Variants in METTL17 observed in about 807,000 individuals in gnomAD.
METTL17 encodes ribosome assembly protein METTL17, mitochondrial.
Under a neutral mutation model 59.4 loss-of-function variants are expected in METTL17, and 49 were observed. That is an observed-to-expected ratio of 0.82 (90% CI 0.66 to 1.05). The LOEUF is 1.05. Among genes scored for constraint, METTL17 ranks in the 50% least tolerant of loss-of-function variants. The pLI, the probability that METTL17 is intolerant of heterozygous loss-of-function variation, is 0.00. For synonymous variants in METTL17, 208 were observed against 209.2 expected, an observed-to-expected ratio of 0.99 and a Z score of 0.05; for missense variants, 555 against 578.4, an observed-to-expected ratio of 0.96 and a Z score of 0.41.
Position 20,996,961 on chromosome 14 carries a change from G to A in METTL17, c.*71G>A. ...TGAAGCTGCCTGGTATCCAGGAGGG[G>A]AATGCTGGTATCCCCATATGTCTGT... On this transcript the variant is annotated 3_prime_UTR_variant, in exon 14 of 14. Coordinates refer to ENST00000339374, the MANE Select transcript of METTL17 (RefSeq NM_022734.3). 6.7e-7 allele frequency: 1 copy of A among 1,498,856 alleles called. No homozygotes were observed. The highest frequency in any genetic ancestry group is 9.0e-7 in the Non-Finnish European group (1 of 1,105,732). The allele number at this position is 1,498,856 out of a possible 1,614,324, so 92.8% of individuals were successfully genotyped here. A position where few individuals can be genotyped will look rare whatever the true frequency, so the allele number is the denominator to read the frequency against.
Position 20,994,590 on chromosome 14 carries a change from C to G in METTL17, c.745C>G (p.Gln249Glu), listed in dbSNP as rs1880248361. The G allele has an allele frequency of 6.2e-7, 1 of 1,614,068 alleles. No individual in the cohort carries two copies. Among genetic ancestry groups the G allele is most frequent in the African/African-American group, 1.3e-5 (1 of 74,930 alleles). The part of the protein sequence containing the change: ...EPYIPGVFFR[Q>E]FLPVSPKVQF... ...TTATATTCCAGGTGTCTTTTTCAGACAGTTTCTACCTGTATCACCCAAGGC... is the reference window on the plus strand; with the variant it reads ...TTATATTCCAGGTGTCTTTTTCAGAGAGTTTCTACCTGTATCACCCAAGGC... Residue 249 changes from glutamine to glutamate, a missense_variant, in exon 8 of 14, where the codon CAG becomes GAG. Physicochemically the swap from Gln to Glu is conservative, Grantham distance 29. Coordinates refer to ENST00000339374, the MANE Select transcript of METTL17 (RefSeq NM_022734.3).
chr14:20,990,380 C>A lies in METTL17; in HGVS notation c.226C>A (p.Leu76Ile), dbSNP rs756939883. ...ALANGAQLLL[L>I]GSAGPTMENQ... ...GGCTAACGGTGCCCAGTTATTGCTA[C>A]TTGGTGAGTAACGGCGGGAAAGCGA... Residue 76 changes from leucine (L) to isoleucine (I), a missense_variant, in exon 2 of 14, where the codon CTT becomes ATT. Leu to Ile is a conservative substitution (Grantham distance 5). Coordinates refer to ENST00000339374, the MANE Select transcript of METTL17 (RefSeq NM_022734.3). 1.9e-5 allele frequency: 31 copies of A among 1,613,808 alleles called. No homozygotes were observed. Among genetic ancestry groups the A allele is most frequent in the Non-Finnish European group, 2.6e-5 (31 of 1,179,834 alleles).
chr14:20,992,211 G>A lies in METTL17; in HGVS notation c.446+6G>A, dbSNP rs979292684. 1 of 1,580,418 alleles carries A rather than the reference G, an allele frequency of 6.3e-7. No homozygotes were observed. The highest frequency in any genetic ancestry group is 1.4e-5 in the African/African-American group (1 of 73,784). ...TACCATTGGCAAGAACTGAGGTAAG[G>A]GGGCCCAGAAGAGGTGCACAAGAAA... On this transcript the variant is annotated splice_donor_region_variant and intron_variant, in intron 4 of 13. Coordinates refer to ENST00000339374, the MANE Select transcript of METTL17 (RefSeq NM_022734.3).
rs970222828 is a variant in METTL17 at position 20,993,640 on chromosome 14, A to T, written c.603-329A>T. On this transcript the variant is annotated intron_variant, in intron 6 of 13. Coordinates refer to ENST00000339374, the MANE Select transcript of METTL17 (RefSeq NM_022734.3). ...CAGGTGCACGCCACCACACCCAGCT[A>T]ATTTTTGTATTTTTAGTAGAGACGG... The T allele has an allele frequency of 2.9e-4, 62 of 213,836 alleles. 1 individual carries two copies. The highest frequency in any genetic ancestry group is 1.4e-3 in the African/African-American group (61 of 42,812). The allele number at this position is 213,836 out of a possible 1,614,324, so 13.2% of individuals were successfully genotyped here. A position where few individuals can be genotyped will look rare whatever the true frequency, so the allele number is the denominator to read the frequency against.
chr14:20,996,716 G>C lies in METTL17; in HGVS notation c.1265+5G>C. The C allele has an allele frequency of 6.2e-7, 1 of 1,614,142 alleles. No individual in the cohort carries two copies. The highest frequency in any genetic ancestry group is 8.5e-7 in the Non-Finnish European group (1 of 1,180,030). On this transcript the variant is annotated splice_donor_5th_base_variant and intron_variant, in intron 13 of 13. Coordinates refer to ENST00000339374, the MANE Select transcript of METTL17 (RefSeq NM_022734.3). ...CACAGCCCGCCGGCACGGCAGGTAT[G>C]GGGGGTGTGACCAAAATCAGTGGGA...
At chr14:20,996,041 C>A in intron 11 of METTL17, 90 bp downstream of exon 11, 1 of 1,449,978 alleles carries the variant, frequency 6.9e-7, no homozygotes, top group Non-Finnish European at 9.7e-7. Context: ...CCACTCTCCA[C>A]TACTTTGTGT....
At chr14:20,993,479 T>G in intron 6 of METTL17, 1 of 390,138 alleles carries the variant, frequency 2.6e-6, no homozygotes. Context: ...AGTCTACCTT[T>G]TTTTTTTCTT....
Position 20,995,242 on chromosome 14 carries a change from T to G in METTL17, c.945+9T>G, listed in dbSNP as rs770745836. 6.8e-6 allele frequency: 11 copies of G among 1,611,064 alleles called. No homozygotes were observed. Among genetic ancestry groups the G allele is most frequent in the East Asian group, 6.7e-5 (3 of 44,864 alleles). On this transcript the variant is annotated intron_variant, in intron 10 of 13. Coordinates refer to ENST00000339374, the MANE Select transcript of METTL17 (RefSeq NM_022734.3). ...GGGATCTGGTCCTTAAGGTAAGGCT[T>G]CTTCTTCCCTCACTCCCCCACCCAT...
At chr14:20,996,762 C>G in intron 13 of METTL17, 23 bp from the exon 14 acceptor site, 1 of 1,614,196 alleles carries the variant, frequency 6.2e-7, no homozygotes, top group South Asian at 1.1e-5. Context: ...AGCTGCAGCC[C>G]ACGCCAGCAT....
Position 20,993,514 on chromosome 14 carries a change from C to T in METTL17, c.602+323C>T, listed in dbSNP as rs570069747. 92 of 296,898 alleles carry T rather than the reference C, an allele frequency of 3.1e-4. 1 individual carries two copies. The highest frequency in any genetic ancestry group is 1.3e-3 in the Admixed American group (26 of 20,290). The allele number at this position is 296,898 out of a possible 1,614,324, so 18.4% of individuals were successfully genotyped here. ...TTTTTGAAACGGTGTCTCACTCTGT[C>T]GCCCAGGCTGGAGTGCAGTGGCACA... On this transcript the variant is annotated intron_variant, in intron 6 of 13. Coordinates refer to ENST00000339374, the MANE Select transcript of METTL17 (RefSeq NM_022734.3).
Position 20,995,251 on chromosome 14 carries a change from C to T in METTL17, c.945+18C>T, listed in dbSNP as rs145907219. On this transcript the variant is annotated intron_variant, in intron 10 of 13. Transcript: ENST00000339374. ...TCCTTAAGGTAAGGCTTCTTCTTCCCTCACTCCCCCACCCATATGGCACCA... is the reference window on the plus strand; with the variant it reads ...TCCTTAAGGTAAGGCTTCTTCTTCCTTCACTCCCCCACCCATATGGCACCA... 341 of 1,602,654 alleles carry T rather than the reference C, an allele frequency of 2.1e-4. 2 individuals are homozygous for T. In the African/African-American group the frequency reaches 4.1e-3, roughly 19 times the overall value.
At chr14:20,996,317 A>G in intron 12 of METTL17, 25 bp downstream of exon 12, 3 of 1,598,964 alleles carry the variant, frequency 1.9e-6, no homozygotes, top group Non-Finnish European at 2.6e-6. Context: ...ATATTGCAGC[A>G]GGAAGCAAAC....
chr14:20,996,177 T>C (rs61512666), intron 11 of METTL17, 32 bp from the exon 12 acceptor site: 24,084 of 1,595,814 alleles, frequency 0.015, 1,333 homozygotes, highest in East Asian at 0.15. Flanking sequence ...GATGGCTCTT[T>C]TGTCTTACCT....
chr14:20,992,281 C>A, intron 4 of METTL17, 76 bp downstream of exon 4: 1 of 923,504 alleles, frequency 1.1e-6, no homozygotes, highest in Non-Finnish European at 1.7e-6. Context: ...TACAATTACA[C>A]AATCAATTTA....
rs535797777 is a variant in METTL17 at position 20,991,425 on chromosome 14, T to C, written c.365-699T>C. Among the ~76,000 whole-genome samples the C allele has an allele frequency of 6.3e-4, 93 of 147,204 alleles. 2 individuals carry two copies. In the South Asian group the frequency reaches 0.018, roughly 29 times the overall value. On this transcript the variant is annotated intron_variant, in intron 3 of 13. Transcript: ENST00000339374. ...GAACTGAACAGTCATGAGACGTAGATTTTCAGATTTCTTTCCTCTCCATAG... is the reference window on the plus strand; with the variant it reads ...GAACTGAACAGTCATGAGACGTAGACTTTCAGATTTCTTTCCTCTCCATAG...
chr14:20,994,883 T>C lies in METTL17; in HGVS notation c.858T>C (p.Arg286=). The part of the protein sequence containing the change: ...DRTEVVQTLW[R]KTGHFLVLVE... ...CTGAGGTAGTTCAAACCTTATGGCGTAAGACAGGTCATTTCCTGGTGAGTT... is the reference window on the plus strand; with the variant it reads ...CTGAGGTAGTTCAAACCTTATGGCGCAAGACAGGTCATTTCCTGGTGAGTT... Residue 286 remains arginine (R), a synonymous_variant, in exon 9 of 14, where the codon CGT becomes CGC. Transcript: ENST00000339374. The C allele has an allele frequency of 1.2e-6, 2 of 1,613,774 alleles. No homozygotes were observed. Among genetic ancestry groups the C allele is most frequent in the Non-Finnish European group, 1.7e-6 (2 of 1,179,792 alleles).
intron 3 of METTL17, among the ~76,000 whole-genome samples, chr14:20,991,080 G>T (rs1260164764): frequency 6.6e-6 from 1 of 152,078 alleles, no homozygotes; most frequent in Non-Finnish European, 1.5e-5. Flanking sequence ...CGCCCACCTT[G>T]GCCTCCCAAA....
intron 7 of METTL17, among the ~76,000 whole-genome samples, chr14:20,994,283 C>CTTTTT (rs370656915): frequency 9.4e-5 from 13 of 138,850 alleles, no homozygotes; most frequent in African/African-American, 3.2e-4. Context: ...TCTCCCTGCC[C>CTTTTT]TTTTTTTTTT....
intron 6 of METTL17, 32 bp downstream of exon 6, chr14:20,993,223 AATTTTAGCTC>A (rs759760024): frequency 1.1e-4 from 179 of 1,591,848 alleles, no homozygotes; most frequent in Admixed American, 1.8e-4. Context: ...TATCTTGGTC[AATTTTAGCTC>A]TAGAAAGCCA....
Sources: gnomAD v4.1 joint callset for allele counts (sites outside exome capture counted in the v4.1 genomes callset) on GRCh38, gnomAD v4.1.1 for gene constraint, MANE v1.5 for transcripts, NCBI Gene and HGNC (gene_info 2026-07-23, HGNC 2026-07-21) for gene names.